Variants in CCS observed in about 807,000 individuals in gnomAD.
CCS encodes copper chaperone for superoxide dismutase.
CCS carries 32 observed loss-of-function variants against 35.5 expected under a neutral mutation model. The ratio of observed to expected loss-of-function variants is 0.90; its 90% CI spans 0.68 to 1.21. The LOEUF (loss-of-function observed/expected upper bound fraction) is 1.21. CCS is among the 50% of genes most tolerant of loss of function. CCS has a pLI of 0.00. For synonymous variants in CCS, 130 were observed against 147.2 expected (o/e 0.88, Z 0.84); for missense variants, 342 against 375.4 (o/e 0.91, Z 0.73).
chr11:66,606,005 T>TC lies in CCS; in HGVS notation c.*150_*151insC. The stretch of plus-strand genomic sequence containing the variant: ...GTGTTCCCTTGGCAAATGAAAGTTT[T>TC]ATTTTCGTTTGGGACTTGGTGTTTT... On this transcript the variant is annotated 3_prime_UTR_variant, in exon 8 of 8. Transcript: ENST00000533244. 1 of 811,132 alleles carries TC rather than the reference T, an allele frequency of 1.2e-6. No homozygotes were observed. Among genetic ancestry groups the TC allele is most frequent in the Non-Finnish European group, 1.7e-6 (1 of 573,740 alleles). The allele number at this position is 811,132 out of a possible 1,614,324, so 50.2% of individuals were successfully genotyped here.
intron 5 of CCS, 120 bp downstream of exon 5, chr11:66,600,669 A>G (rs1858559613): frequency 2.0e-6 from 1 of 506,788 alleles, no homozygotes; most frequent in Non-Finnish European, 3.5e-6. Context: ...TTTTCCTCTC[A>G]TTTTATTTTG....
At position 66,599,097 on chromosome 11, in the gene CCS, TC is replaced by T. The variant is rs1255972142; in HGVS notation, c.113-16del. ...TGGGTGCCAGCCTCTGTTGCCCTCT[TC>T]CCTCTCTTTCTTGCCAGGTGTCCAG... On this transcript the variant is annotated intron_variant, in intron 2 of 7. Transcript: ENST00000533244. The T allele has an allele frequency of 2.5e-6, 4 of 1,614,020 alleles. No homozygotes were observed. Among genetic ancestry groups the T allele is most frequent in the African/African-American group, 1.3e-5 (1 of 74,928 alleles).
At position 66,605,471 on chromosome 11, in the gene CCS, T is replaced by G; in HGVS notation, c.568-18T>G. On this transcript the variant is annotated intron_variant, in intron 6 of 7. Transcript: ENST00000533244. ...CCTAACAGGGTCCATCATCTGAAGCTGTCGTCTCCCCTCAAAGGTGTGGGA... is the reference window on the plus strand; with the variant it reads ...CCTAACAGGGTCCATCATCTGAAGCGGTCGTCTCCCCTCAAAGGTGTGGGA... 1 of 1,613,674 alleles carries G rather than the reference T, an allele frequency of 6.2e-7. No individual in the cohort carries two copies. Among genetic ancestry groups the G allele is most frequent in the Non-Finnish European group, 8.5e-7 (1 of 1,179,588 alleles).
chr11:66,602,389 A>G (rs988080584), intron 5 of CCS, among the ~76,000 whole-genome samples: 3 of 152,168 alleles, frequency 2.0e-5, no homozygotes, highest in African/African-American at 4.8e-5. Flanking sequence ...TCTTTGCCAC[A>G]TGGGTCTCTC....
chr11:66,604,558 G>A (rs1858623652), intron 5 of CCS, among the ~76,000 whole-genome samples: 1 of 152,112 alleles, frequency 6.6e-6, no homozygotes, highest in South Asian at 2.1e-4. Flanking sequence ...CACTAGTAAG[G>A]CCTTGTCACC....
chr11:66,595,015 G>T (rs186494793), intron 2 of CCS, among the ~76,000 whole-genome samples: 12 of 152,276 alleles, frequency 7.9e-5, no homozygotes, highest in African/African-American at 2.9e-4. Context: ...GGTGGACTCT[G>T]TAAAGTGATT....
At chr11:66,597,751 C>CAAA (rs1313468590) in intron 2 of CCS, among the ~76,000 whole-genome samples, 1 of 122,132 alleles carries the variant, frequency 8.2e-6, no homozygotes. Context: ...GACTCTGTCT[C>CAAA]AAAAAAAAAA....
At chr11:66,604,527 C>T (rs1858622737) in intron 5 of CCS, among the ~76,000 whole-genome samples, 1 of 152,194 alleles carries the variant, frequency 6.6e-6, no homozygotes, top group South Asian at 2.1e-4. Flanking sequence ...TTTATTTGCA[C>T]AGATGTGGGT....
intron 7 of CCS, 46 bp downstream of exon 7, chr11:66,605,638 G>A: frequency 1.9e-6 from 3 of 1,592,448 alleles, no homozygotes; most frequent in South Asian, 2.2e-5. Context: ...TGCGGATGGT[G>A]CATGAGGAAC....
chr11:66,603,307 G>C (rs548872216), intron 5 of CCS, among the ~76,000 whole-genome samples: 1 of 152,232 alleles, frequency 6.6e-6, no homozygotes, highest in Non-Finnish European at 1.5e-5. Flanking sequence ...GGGCACAGTG[G>C]CTCACGCCTG....
Position 66,599,655 on chromosome 11 carries a change from C to T in CCS, c.428+19C>T, listed in dbSNP as rs370159905. 6.2e-6 allele frequency: 10 copies of T among 1,607,382 alleles called. No homozygotes were observed. The highest frequency in any genetic ancestry group is 1.7e-5 in the Admixed American group (1 of 59,154). On this transcript the variant is annotated intron_variant, in intron 4 of 7. Coordinates refer to ENST00000533244, the MANE Select transcript of CCS (RefSeq NM_005125.2). Reference sequence around the variant, plus strand: ...GCAACAGGTGAGTTGTCTGAAGTCTCCCCAGTAGCATTCTCAGCTACACAT... The same window carrying T: ...GCAACAGGTGAGTTGTCTGAAGTCTTCCCAGTAGCATTCTCAGCTACACAT...
At chr11:66,597,568 C>T (rs1042062665) in intron 2 of CCS, among the ~76,000 whole-genome samples, 11 of 151,002 alleles carry the variant, frequency 7.3e-5, no homozygotes, top group South Asian at 4.2e-4. Flanking sequence ...CTGGCTAACA[C>T]GGTGAAACCC....
At chr11:66,594,164 C>T in intron 2 of CCS, among the ~76,000 whole-genome samples, 1 of 151,640 alleles carries the variant, frequency 6.6e-6, no homozygotes, top group East Asian at 2.0e-4. Flanking sequence ...CGAGACCATC[C>T]TGGCTAACAC....
intron 2 of CCS, 148 bp from the exon 3 acceptor site, chr11:66,598,968 C>G: frequency 1.2e-6 from 1 of 837,472 alleles, no homozygotes; most frequent in Non-Finnish European, 1.9e-6. Flanking sequence ...GAGGCTTACT[C>G]AGGGTTACAC....
intron 2 of CCS, among the ~76,000 whole-genome samples, chr11:66,596,188 TCCTG>T (rs2134978894): frequency 6.6e-6 from 1 of 151,802 alleles, no homozygotes; most frequent in African/African-American, 2.4e-5. Flanking sequence ...CACCTCAGCC[TCCTG>T]AGTAGCTGGG....
At chr11:66,604,718 T>G (rs1858626675) in intron 5 of CCS, among the ~76,000 whole-genome samples, 1 of 152,154 alleles carries the variant, frequency 6.6e-6, no homozygotes, top group South Asian at 2.1e-4. Flanking sequence ...TAGGAGGTGC[T>G]CATAGGTGTG....
At chr11:66,599,395 C>T (rs1858533962) in intron 3 of CCS, 64 bp from the exon 4 acceptor site, 14 of 1,496,868 alleles carry the variant, frequency 9.4e-6, no homozygotes, top group African/African-American at 7.0e-5. Flanking sequence ...CTGCCCTTCC[C>T]GAGCTGCTGA....
chr11:66,605,612 G>A lies in CCS; in HGVS notation c.671+20G>A, dbSNP rs1447896036. ...GGAGAGGTGAGTGGTGTCGGCCCCTGTAGGAGGCTGTGCTCTGCGGATGGT... is the reference window on the plus strand; with the variant it reads ...GGAGAGGTGAGTGGTGTCGGCCCCTATAGGAGGCTGTGCTCTGCGGATGGT... On this transcript the variant is annotated intron_variant, in intron 7 of 7. Transcript: ENST00000533244. 2 of 1,608,702 alleles carry A rather than the reference G, an allele frequency of 1.2e-6. No homozygotes were observed. The highest frequency in any genetic ancestry group is 1.7e-5 in the Admixed American group (1 of 59,512).
In CCS at chr11:66,599,235, A is replaced by T. The variant is rs756157198; in HGVS notation, c.232A>T (p.Met78Leu). ...GGGGCGGCAGGCGGTACTCAAGGGCATGGGCAGCGGCCAGTTGCGTGAGTG... is the reference window on the plus strand; with the variant it reads ...GGGGCGGCAGGCGGTACTCAAGGGCTTGGGCAGCGGCCAGTTGCGTGAGTG... ...GTGRQAVLKG[M>L]GSGQLQNLGA... The change falls in exon 3 of 8, where the codon ATG becomes TTG. Residue 78 changes from methionine (M) to leucine (L), a missense_variant. Physicochemically the swap from Met to Leu is conservative, Grantham distance 15 (BLOSUM62 2). Coordinates refer to ENST00000533244, the MANE Select transcript of CCS (RefSeq NM_005125.2). 3.1e-6 allele frequency: 5 copies of T among 1,608,964 alleles called. No individual in the cohort carries two copies. The highest frequency in any genetic ancestry group is 3.4e-6 in the Non-Finnish European group (4 of 1,177,530).
Sources: gnomAD v4.1 joint callset for allele counts (sites outside exome capture counted in the v4.1 genomes callset) on GRCh38, gnomAD v4.1.1 for gene constraint, MANE v1.5 for transcripts, NCBI Gene and HGNC (gene_info 2026-07-23, HGNC 2026-07-21) for gene names.